The following TENM4 variants were observed in gnomAD, a reference collection of about 807,000 sequenced individuals.
The protein encoded by TENM4 is teneurin transmembrane protein 4.
Under a neutral mutation model 243.3 loss-of-function variants are expected in TENM4, and 82 were observed. The ratio of observed to expected loss-of-function variants is 0.34; its 90% CI spans 0.28 to 0.40. The LOEUF is 0.40. Ranked by LOEUF, TENM4 falls within the 10% of genes least tolerant of loss-of-function variation. The pLI is 1.00. For synonymous variants in TENM4, 1,412 were observed against 1,456.3 expected, an observed-to-expected ratio of 0.97 and a Z score of 0.69; for missense variants, 3,138 against 3,673.3, an observed-to-expected ratio of 0.85 and a Z score of 3.77.
chr11:78,932,979 G>T (rs1041588396), intron 6 of TENM4, among the ~76,000 whole-genome samples: 2 of 152,120 alleles, frequency 1.3e-5, no homozygotes, highest in Non-Finnish European at 2.9e-5. Context: ...TTACAGAACT[G>T]TTGGGCTGGA....
chr11:78,879,416 C>G (rs1859364793), intron 9 of TENM4, among the ~76,000 whole-genome samples: 1 of 151,748 alleles, frequency 6.6e-6, no homozygotes, highest in Non-Finnish European at 1.5e-5. Flanking sequence ...GGGAGTGCCT[C>G]TGCCCGGCCG....
At chr11:79,005,637 TA>T (rs374242271) in intron 6 of TENM4, among the ~76,000 whole-genome samples, 23 of 151,696 alleles carry the variant, frequency 1.5e-4, no homozygotes, top group African/African-American at 5.1e-4. Flanking sequence ...ACAAACCCAT[TA>T]CACTGAATGG....
At chr11:78,890,354 T>G (rs1409055285) in intron 8 of TENM4, among the ~76,000 whole-genome samples, 1 of 152,198 alleles carries the variant, frequency 6.6e-6, no homozygotes, top group African/African-American at 2.4e-5. Flanking sequence ...GGATACTGTT[T>G]CTTGGGGAAT....
intron 2 of TENM4, among the ~76,000 whole-genome samples, chr11:79,218,902 C>G (rs746806277): frequency 1.3e-5 from 2 of 152,198 alleles, no homozygotes; most frequent in African/African-American, 2.4e-5. Flanking sequence ...CACATATTCA[C>G]TCATTCATTC....
In TENM4 at chr11:78,891,158, G is replaced by A. The variant is rs938872325; in HGVS notation, c.848+80C>T. 26 of 1,329,526 alleles carry A rather than the reference G, an allele frequency of 2.0e-5. No individual in the cohort carries two copies. In the South Asian group the frequency reaches 3.2e-4, roughly 17 times the overall value. The allele number at this position is 1,329,526 out of a possible 1,614,324, so 82.4% of individuals were successfully genotyped here. On this transcript the variant is annotated intron_variant, in intron 8 of 33. Transcript: ENST00000278550. Reference sequence around the variant, plus strand: ...ATCACCTCCCCCAGAAGATCCCAGGGAAAGGTCTCAGGGTCTGCATGCAAG... The same window carrying A: ...ATCACCTCCCCCAGAAGATCCCAGGAAAAGGTCTCAGGGTCTGCATGCAAG...
rs1859129776 is a variant in TENM4 at position 78,702,347 on chromosome 11, A to G, written c.4266T>C (p.Tyr1422=). The change falls in exon 28 of 34, where the codon TAT becomes TAC. Residue 1422 remains tyrosine (Y), a synonymous_variant. Coordinates refer to ENST00000278550, the MANE Select transcript of TENM4 (RefSeq NM_001098816.3). The part of the protein sequence containing the change: ...LAINPMDNSL[Y]VLDNNVVLQI... ...GCAGGACCACATTGTTGTCGAGGAC[A>G]TAAAGTGAGTTGTCCATTGGGTTGA... 1.2e-6 allele frequency: 2 copies of G among 1,614,034 alleles called. No individual in the cohort carries two copies. The highest frequency in any genetic ancestry group is 1.1e-5 in the South Asian group (1 of 91,088).
chr11:78,762,465 T>C (rs1301966425), intron 18 of TENM4, among the ~76,000 whole-genome samples: 3 of 152,164 alleles, frequency 2.0e-5, no homozygotes, highest in African/African-American at 7.2e-5. Flanking sequence ...GATTTGCAGA[T>C]TGGGGTCCTC....
At chr11:79,267,344 C>G (rs937321440) in intron 2 of TENM4, among the ~76,000 whole-genome samples, 1 of 152,144 alleles carries the variant, frequency 6.6e-6, no homozygotes, top group African/African-American at 2.4e-5. Flanking sequence ...TCTGTGGAGG[C>G]CATTTACCCT....
In TENM4 at chr11:78,726,149, G is replaced by C; in HGVS notation, c.3480C>G (p.Gly1160=). 3.1e-6 allele frequency: 5 copies of C among 1,613,976 alleles called. No homozygotes were observed. The highest frequency in any genetic ancestry group is 4.2e-6 in the Non-Finnish European group (5 of 1,179,884). Reference sequence around the variant, plus strand: ...CAAGCTTGGACGCGTCAATTTCATAGCCCTGCAGCACTGTTGTTCTTTTTT... The same window carrying C: ...CAAGCTTGGACGCGTCAATTTCATACCCCTGCAGCACTGTTGTTCTTTTTT... The part of the protein sequence containing the change: ...LWEKRTTVLQ[G]YEIDASKLGG... Residue 1160 remains glycine (G), a synonymous_variant, in exon 23 of 34, where the codon GGC becomes GGG. Transcript: ENST00000278550.
At chr11:78,831,143 C>T (rs1339841526) in intron 12 of TENM4, among the ~76,000 whole-genome samples, 1 of 152,220 alleles carries the variant, frequency 6.6e-6, no homozygotes, top group Non-Finnish European at 1.5e-5. Flanking sequence ...AACAACTAGT[C>T]ACCGAAACCC....
chr11:78,916,000 G>A (rs1236486290), intron 6 of TENM4, among the ~76,000 whole-genome samples: 1 of 152,222 alleles, frequency 6.6e-6, no homozygotes, highest in African/African-American at 2.4e-5. Flanking sequence ...GGCTCAAGCT[G>A]CCTCGGGATC....
At chr11:79,387,356 T>C (rs897545135) in intron 1 of TENM4, among the ~76,000 whole-genome samples, 1 of 152,338 alleles carries the variant, frequency 6.6e-6, no homozygotes, top group East Asian at 1.9e-4. Context: ...CACTGAGCTA[T>C]ACACTTAGGA....
At chr11:79,112,531 G>A (rs1861529522) in intron 4 of TENM4, among the ~76,000 whole-genome samples, 1 of 152,150 alleles carries the variant, frequency 6.6e-6, no homozygotes. Flanking sequence ...GGACAGGGAG[G>A]TTGTCTGAGG....
At chr11:79,278,504 C>A (rs1856099210) in intron 2 of TENM4, among the ~76,000 whole-genome samples, 1 of 152,148 alleles carries the variant, frequency 6.6e-6, no homozygotes, top group African/African-American at 2.4e-5. Flanking sequence ...GGGAAGCCAG[C>A]AGGAGCCGCT....
intron 4 of TENM4, among the ~76,000 whole-genome samples, chr11:79,105,808 A>G (rs1163934398): frequency 6.6e-6 from 1 of 152,250 alleles, no homozygotes; most frequent in Non-Finnish European, 1.5e-5. Context: ...GCAAGGTAAC[A>G]GTGTTGCTGG....
At chr11:78,929,542 G>T (rs1037412146) in intron 6 of TENM4, among the ~76,000 whole-genome samples, 1 of 152,202 alleles carries the variant, frequency 6.6e-6, no homozygotes, top group African/African-American at 2.4e-5. Flanking sequence ...TCTTTAAATG[G>T]TTCTTGGGGA....
chr11:78,662,772 G>T (rs1858063210), intron 32 of TENM4, among the ~76,000 whole-genome samples: 1 of 152,196 alleles, frequency 6.6e-6, no homozygotes, highest in Admixed American at 6.5e-5. Context: ...AACTCTGAAG[G>T]AGAGATGAGA....
chr11:78,672,551 GGTT>G (rs958091985), intron 30 of TENM4, among the ~76,000 whole-genome samples: 1 of 152,174 alleles, frequency 6.6e-6, no homozygotes, highest in Non-Finnish European at 1.5e-5. Flanking sequence ...AATTGCACAG[GGTT>G]GTTGTGAGGA....
intron 20 of TENM4, among the ~76,000 whole-genome samples, chr11:78,736,479 T>TGTGTGTGTGCGCGCGCGC (rs796898751): frequency 1.0e-5 from 1 of 99,334 alleles, no homozygotes; most frequent in African/African-American, 3.0e-5. Flanking sequence ...TGTGTGTGTG[T>TGTGTGTGTGCGCGCGCGC]GCGCGCGCGT....
Sources: allele counts gnomAD v4.1 joint callset (sites outside exome capture counted in the v4.1 genomes callset), GRCh38; gene constraint gnomAD v4.1.1; transcripts MANE v1.5; gene names NCBI Gene and HGNC (gene_info 2026-07-23, HGNC 2026-07-21).